MATN2: variants seen among roughly 807,000 people sequenced by gnomAD.
MATN2 encodes the protein matrilin-2.
MATN2 carries 69 observed loss-of-function variants against 103.2 expected under a neutral mutation model. That is an observed-to-expected ratio of 0.67 (90% CI 0.55 to 0.82). The LOEUF is 0.82. MATN2 is among the 40% of genes least tolerant of loss of function. The pLI, the probability that MATN2 is intolerant of heterozygous loss-of-function variation, is 0.00. For synonymous variants in MATN2, 429 were observed against 450.2 expected (o/e 0.95, Z 0.60); for missense variants, 1,023 against 1,211.5 (o/e 0.84, Z 2.31).
intron 2 of MATN2, among the ~76,000 whole-genome samples, chr8:97,897,926 G>A (rs1309101957): frequency 6.6e-6 from 1 of 152,208 alleles, no homozygotes; most frequent in African/African-American, 2.4e-5. Context: ...TCTAGGCAAT[G>A]AATATATAAC....
rs549923158 is a variant in MATN2 at position 98,008,836 on chromosome 8, C to T, written c.1573+1235C>T. On this transcript the variant is annotated intron_variant, in intron 10 of 18. Coordinates refer to ENST00000254898, the MANE Select transcript of MATN2 (RefSeq NM_002380.5). ...AGAGGAGTCATTCTTCTGTCCACCT[C>T]GTTCCTGTAATAATCAAGAACTGAC... Among the ~76,000 whole-genome samples, 8 of 152,310 alleles carry T rather than the reference C, an allele frequency of 5.3e-5. No homozygotes were observed. The South Asian group carries it at 8.3e-4, about 16-fold the overall frequency.
chr8:97,985,870 T>C (rs1008370381), intron 6 of MATN2, among the ~76,000 whole-genome samples: 2 of 152,240 alleles, frequency 1.3e-5, no homozygotes, highest in African/African-American at 4.8e-5. Flanking sequence ...ACCTAGCTGA[T>C]AACCATTGTT....
intron 7 of MATN2, among the ~76,000 whole-genome samples, chr8:97,997,348 C>T (rs550350969): frequency 1.1e-4 from 16 of 152,326 alleles, no homozygotes; most frequent in African/African-American, 3.8e-4. Context: ...CCTGGATTTC[C>T]TAAACTGTAG....
intron 11 of MATN2, 65 bp downstream of exon 11, chr8:98,016,727 A>G (rs1813375643): frequency 9.0e-6 from 14 of 1,559,430 alleles, no homozygotes; most frequent in Non-Finnish European, 1.2e-5. Flanking sequence ...CGCTATCCTT[A>G]TCTCTGTATA....
At chr8:97,998,688 T>A in intron 7 of MATN2, among the ~76,000 whole-genome samples, 1 of 150,230 alleles carries the variant, frequency 6.7e-6, no homozygotes, top group Non-Finnish European at 1.5e-5. Flanking sequence ...TTTATATTTT[T>A]AAAATTGTTA....
Position 98,021,195 on chromosome 8 carries a change from T to C in MATN2, c.1820-10T>C. 2.5e-6 allele frequency: 4 copies of C among 1,612,462 alleles called. No homozygotes were observed. The highest frequency in any genetic ancestry group is 3.4e-6 in the Non-Finnish European group (4 of 1,178,816). On this transcript the variant is annotated splice_polypyrimidine_tract_variant and intron_variant, in intron 12 of 18. Transcript: ENST00000254898. ...TGATGGGATTGTTCAACTCCCTACA[T>C]TTTCCTCAGGGAAGGATGTCTGCAA...
chr8:98,030,582 T>C lies in MATN2; in HGVS notation c.2477T>C (p.Ile826Thr). Residue 826 changes from isoleucine (I) to threonine (T), a missense_variant, in exon 15 of 19, where the codon ATA becomes ACA. Transcript: ENST00000254898. The part of the protein sequence containing the change: ...YAEDFSTMDE[I>T]SEKLKKGICE... ...GAAGACTTCAGCACAATGGATGAGA[T>C]AAGTGAAAAACTCAAGAAAGGCATC... The C allele has an allele frequency of 6.2e-7, 1 of 1,613,940 alleles. No individual in the cohort carries two copies. The highest frequency in any genetic ancestry group is 8.5e-7 in the Non-Finnish European group (1 of 1,179,880).
At chr8:98,021,120 C>T in intron 12 of MATN2, 85 bp from the exon 13 acceptor site, 3 of 1,323,998 alleles carry the variant, frequency 2.3e-6, no homozygotes, top group Non-Finnish European at 3.1e-6. Flanking sequence ...AAAGAGATTA[C>T]TTCCACAATC....
intron 2 of MATN2, among the ~76,000 whole-genome samples, chr8:97,900,040 G>A (rs533520449): frequency 6.6e-6 from 1 of 152,336 alleles, no homozygotes; most frequent in South Asian, 2.1e-4. Flanking sequence ...CTGAAGATGG[G>A]ACAGGAGTGC....
At chr8:98,016,427 G>A (rs1158818152) in intron 10 of MATN2, 113 bp from the exon 11 acceptor site, 3 of 941,888 alleles carry the variant, frequency 3.2e-6, no homozygotes, top group South Asian at 1.6e-5. Flanking sequence ...TGTACTGTAG[G>A]ATAAGGCACT....
intron 5 of MATN2, among the ~76,000 whole-genome samples, chr8:97,975,221 G>A (rs772853326): frequency 1.3e-5 from 2 of 152,222 alleles, no homozygotes; most frequent in African/African-American, 2.4e-5. Flanking sequence ...CAGAGGGAAT[G>A]AAAGCGTTGC....
chr8:98,008,914 T>C (rs1188377434), intron 10 of MATN2, among the ~76,000 whole-genome samples: 2 of 152,106 alleles, frequency 1.3e-5, no homozygotes, highest in African/African-American at 4.8e-5. Flanking sequence ...TCTAAACAAA[T>C]GCAGCTCCAT....
chr8:97,892,886 C>G (rs914028542), intron 2 of MATN2, among the ~76,000 whole-genome samples: 2 of 152,132 alleles, frequency 1.3e-5, no homozygotes, highest in African/African-American at 2.4e-5. Context: ...CAGTGAAGGT[C>G]CTGCCCACGG....
intron 2 of MATN2, among the ~76,000 whole-genome samples, chr8:97,897,633 C>A (rs1445825573): frequency 6.6e-6 from 1 of 151,922 alleles, no homozygotes; most frequent in South Asian, 2.1e-4. Flanking sequence ...TTTTTTAAAC[C>A]TTTGAAGTAA....
rs767389668 is a variant in MATN2 at position 98,016,638 on chromosome 8, C to T, written c.1672C>T (p.Arg558Cys). 30 of 1,611,728 alleles carry T rather than the reference C, an allele frequency of 1.9e-5. No homozygotes were observed. The highest frequency in any genetic ancestry group is 1.6e-4 in the Middle Eastern group (1 of 6,082). ...CCAGTGCTTTGAAGGTTATATACTC[C>T]GTGAAGATGGAAAAACCTGCAGAAG... ...VCQCFEGYIL[R>C]EDGKTCRRKD... Residue 558 changes from arginine (R) to cysteine (C), a missense_variant, in exon 11 of 19, where the codon CGT becomes TGT. Arg to Cys is a radical substitution (Grantham distance 180). Transcript: ENST00000254898.
At chr8:98,031,215 G>A (rs1421502758) in intron 15 of MATN2, among the ~76,000 whole-genome samples, 1 of 152,120 alleles carries the variant, frequency 6.6e-6, no homozygotes, top group Non-Finnish European at 1.5e-5. Context: ...GCACACACCT[G>A]TAGTCTCAGC....
intron 2 of MATN2, among the ~76,000 whole-genome samples, chr8:97,920,117 C>T (rs938081362): frequency 1.3e-5 from 2 of 152,100 alleles, no homozygotes; most frequent in Non-Finnish European, 2.9e-5. Context: ...GCAACCTTGC[C>T]ATTAGTGACC....
chr8:97,997,744 AAT>A (rs1812633466), intron 7 of MATN2, among the ~76,000 whole-genome samples: 1 of 152,174 alleles, frequency 6.6e-6, no homozygotes, highest in South Asian at 2.1e-4. Context: ...CACATGAGGA[AAT>A]ATGACAAAAG....
chr8:97,887,787 T>A (rs1818488195), intron 1 of MATN2: 1 of 212,654 alleles, frequency 4.7e-6, no homozygotes, highest in South Asian at 1.3e-4. Context: ...ATAATGAACT[T>A]AACTGATAAG....
Sources: gnomAD v4.1 joint callset for allele counts (sites outside exome capture counted in the v4.1 genomes callset) on GRCh38, gnomAD v4.1.1 for gene constraint, MANE v1.5 for transcripts, NCBI Gene and HGNC (gene_info 2026-07-23, HGNC 2026-07-21) for gene names.